PCDHA5: variants seen among roughly 807,000 people sequenced by gnomAD.
PCDHA5 encodes protocadherin alpha-5.
Under a neutral mutation model 61.6 loss-of-function variants are expected in PCDHA5, and 43 were observed. That is an observed-to-expected ratio of 0.70 (90% CI 0.55 to 0.90). The LOEUF is 0.90. Ranked by LOEUF, PCDHA5 falls within the 40% of genes least tolerant of loss-of-function variation. The probability of loss-of-function intolerance (pLI) is 0.00; values close to 1 mark genes in which losing one functional copy is unlikely to be tolerated. For missense variants in PCDHA5, 1,298 were observed against 1,222.7 expected (o/e 1.06, Z -0.92); for synonymous variants, 627 against 543.9 (o/e 1.15, Z -2.13).
rs199529084 is a variant in PCDHA5, at chr5:140,856,259, G to C, written c.2352+32132G>C. The C allele has an allele frequency of 2.8e-5, 44 of 1,598,088 alleles. 4 individuals are homozygous for C. Among genetic ancestry groups the C allele is most frequent in the Non-Finnish European group, 3.5e-5 (41 of 1,167,866 alleles). Reference sequence around the variant, plus strand: ...GTTCCGGGTGGCGTCCAAAAGACACGGGGACCTTCTGGAGGTAAATCTGCA... The same window carrying C: ...GTTCCGGGTGGCGTCCAAAAGACACCGGGACCTTCTGGAGGTAAATCTGCA... On this transcript the variant is annotated intron_variant, in intron 1 of 3. Coordinates refer to ENST00000529859, the MANE Select transcript of PCDHA5 (RefSeq NM_018908.3).
At chr5:140,992,605 A>C (rs2097521923) in intron 3 of PCDHA5, among the ~76,000 whole-genome samples, 1 of 152,166 alleles carries the variant, frequency 6.6e-6, no homozygotes, top group South Asian at 2.1e-4. Flanking sequence ...TCTGTGTCTA[A>C]GTGAAAGCAG....
At chr5:140,864,304 A>G (rs2048411725) in intron 1 of PCDHA5, 1 of 152,230 alleles carries the variant, frequency 6.6e-6, no homozygotes, top group East Asian at 1.9e-4. Flanking sequence ...CAAAAATACC[A>G]TGACAATATT....
intron 1 of PCDHA5, chr5:140,857,253 A>G (rs1554149722): frequency 1.3e-6 from 2 of 1,598,432 alleles, no homozygotes; most frequent in Admixed American, 3.4e-5. Context: ...ACCTACAAGA[A>G]TTACTACTCA....
At chr5:140,860,151 GTGTATATATATA>G (rs1350684051) in intron 1 of PCDHA5, 1 of 149,616 alleles carries the variant, frequency 6.7e-6, no homozygotes, top group African/African-American at 2.5e-5. Context: ...ATGTATATAT[GTGTATATATATA>G]TGTATATATA....
At chr5:140,849,557 G>T (rs2150440607) in intron 1 of PCDHA5, 4 of 1,598,482 alleles carry the variant, frequency 2.5e-6, no homozygotes, top group Non-Finnish European at 3.4e-6. Context: ...CTATCAAAAC[G>T]CTCTCGGTTC....
chr5:140,858,117 C>A (rs1191323415), intron 1 of PCDHA5: 1 of 1,597,608 alleles, frequency 6.3e-7, no homozygotes, highest in African/African-American at 1.3e-5. Context: ...CCCGAGGTGG[C>A]CCTGGTGGAT....
intron 1 of PCDHA5, among the ~76,000 whole-genome samples, chr5:140,942,466 A>G (rs1269455545): frequency 2.0e-5 from 3 of 152,266 alleles, no homozygotes; most frequent in African/African-American, 7.2e-5. Flanking sequence ...TAATACAATC[A>G]AATTCAAGCT....
chr5:140,883,787 T>C (rs2059820580), intron 1 of PCDHA5: 2 of 1,612,408 alleles, frequency 1.2e-6, no homozygotes, highest in Non-Finnish European at 1.7e-6. Context: ...GCTGTCGAGC[T>C]ACGTGTCGGT....
chr5:140,957,328 G>A (rs1312649094), intron 1 of PCDHA5, among the ~76,000 whole-genome samples: 1 of 152,134 alleles, frequency 6.6e-6, no homozygotes, highest in Admixed American at 6.5e-5. Context: ...GCACAGTACA[G>A]TAAGATATTT....
intron 1 of PCDHA5, chr5:140,884,455 G>A: frequency 2.5e-6 from 4 of 1,613,784 alleles, no homozygotes; most frequent in Non-Finnish European, 3.4e-6. Flanking sequence ...CGCCCACCGA[G>A]GGCGCGTGCG....
intron 1 of PCDHA5, chr5:140,870,277 G>A: frequency 6.2e-7 from 1 of 1,614,168 alleles, no homozygotes; most frequent in Non-Finnish European, 8.5e-7. Context: ...GACGCCCCAC[G>A]TTCCCTTCAA....
chr5:140,935,172 A>G (rs1278781509), intron 1 of PCDHA5, among the ~76,000 whole-genome samples: 34 of 152,164 alleles, frequency 2.2e-4, no homozygotes, highest in Admixed American at 2.1e-3. Context: ...AGGTGTGCTT[A>G]TTGCTGCTGG....
Position 141,010,168 on chromosome 5 carries a change from C to T in PCDHA5, c.*231C>T. The T allele has an allele frequency of 6.4e-7, 1 of 1,561,094 alleles. No individual in the cohort carries two copies. On this transcript the variant is annotated 3_prime_UTR_variant, in exon 4 of 4. Coordinates refer to ENST00000529859, the MANE Select transcript of PCDHA5 (RefSeq NM_018908.3). Reference sequence around the variant, plus strand: ...TCTCCACTCTGGCTTGTTTTCAGAACCTAAAAAGCAGACCCAAGTTTCCTT... The same window carrying T: ...TCTCCACTCTGGCTTGTTTTCAGAATCTAAAAAGCAGACCCAAGTTTCCTT...
chr5:140,982,357 A>G, intron 2 of PCDHA5, 118 bp from the exon 3 acceptor site: 1 of 1,520,660 alleles, frequency 6.6e-7, no homozygotes. Flanking sequence ...TTCAAGCATG[A>G]GCAGAATGTG....
At chr5:140,883,417 A>C in intron 1 of PCDHA5, 3 of 1,614,146 alleles carry the variant, frequency 1.9e-6, no homozygotes, top group Non-Finnish European at 2.5e-6. Flanking sequence ...GCTCAAATGG[A>C]CAGGTCACCT....
At chr5:140,856,118 G>T in intron 1 of PCDHA5, 2 of 1,598,234 alleles carry the variant, frequency 1.3e-6, no homozygotes, top group Non-Finnish European at 1.7e-6. Flanking sequence ...CGCAGCCTGG[G>T]AGGTGGGGAG....
In PCDHA5 at chr5:140,850,590, T is replaced by G. The variant is rs2150490414; in HGVS notation, c.2352+26463T>G. The G allele has an allele frequency of 2.7e-5, 43 of 1,598,318 alleles. 1 individual carries two copies. The highest frequency in any genetic ancestry group is 3.5e-5 in the Non-Finnish European group (41 of 1,167,854). ...GGTGACGCTGGTGGATGTCAACGTG[T>G]ACCTGATCATCGCCATCTGCGCGGT... On this transcript the variant is annotated intron_variant, in intron 1 of 3. Coordinates refer to ENST00000529859, the MANE Select transcript of PCDHA5 (RefSeq NM_018908.3).
At chr5:140,830,248 A>C (rs1554132663) in intron 1 of PCDHA5, 3 of 1,613,824 alleles carry the variant, frequency 1.9e-6, no homozygotes, top group Non-Finnish European at 2.5e-6. Context: ...TGCTGTACAC[A>C]GCGCTGCGGT....
At chr5:140,991,682 C>G (rs1234700322) in intron 3 of PCDHA5, among the ~76,000 whole-genome samples, 2 of 152,170 alleles carry the variant, frequency 1.3e-5, no homozygotes, top group Non-Finnish European at 2.9e-5. Context: ...TCTGAGTCCT[C>G]TCTAGTAGAG....
Sources: gnomAD v4.1 joint callset for allele counts (sites outside exome capture counted in the v4.1 genomes callset) on GRCh38, gnomAD v4.1.1 for gene constraint, MANE v1.5 for transcripts, NCBI Gene and HGNC (gene_info 2026-07-23, HGNC 2026-07-21) for gene names.